GLYATL2: variants seen among roughly 807,000 people sequenced by gnomAD.
The protein encoded by GLYATL2 is glycine-N-acyltransferase like 2.
Under a neutral mutation model 21.4 loss-of-function variants are expected in GLYATL2, and 25 were observed. The ratio of observed to expected loss-of-function variants is 1.17; its 90% CI spans 0.85 to 1.63. The LOEUF (loss-of-function observed/expected upper bound fraction) is 1.63, where lower values mean the gene tolerates loss of function less well. Among genes scored for constraint, GLYATL2 ranks in the 40% most tolerant of loss-of-function variants. The pLI, the probability that GLYATL2 is intolerant of heterozygous loss-of-function variation, is 0.00. For synonymous variants in GLYATL2, 114 were observed against 118.2 expected (o/e 0.96, Z 0.23); for missense variants, 361 against 343.3 (o/e 1.05, Z -0.41).
intron 1 of GLYATL2, among the ~76,000 whole-genome samples, chr11:58,863,920 G>A (rs1009497029): frequency 1.3e-5 from 2 of 152,212 alleles, no homozygotes; most frequent in Non-Finnish European, 2.9e-5. Context: ...ACTGGCCCTG[G>A]AGAGTAGGGT....
intron 1 of GLYATL2, among the ~76,000 whole-genome samples, chr11:58,842,084 C>T (rs541971583): frequency 6.6e-6 from 1 of 152,184 alleles, no homozygotes; most frequent in South Asian, 2.1e-4. Context: ...CATTAATAGG[C>T]CAATGTGTAA....
chr11:58,862,720 T>C (rs1160963540), intron 1 of GLYATL2, among the ~76,000 whole-genome samples: 1 of 152,232 alleles, frequency 6.6e-6, no homozygotes, highest in East Asian at 1.9e-4. Flanking sequence ...TTTAGTCATC[T>C]ATCTGTGTTC....
At chr11:58,864,829 C>G (rs972047442) in intron 1 of GLYATL2, among the ~76,000 whole-genome samples, 1 of 149,058 alleles carries the variant, frequency 6.7e-6, no homozygotes, top group Non-Finnish European at 1.5e-5. Context: ...TTGCTGATGT[C>G]TAGTTGCACA....
rs759549963 is a variant in GLYATL2, at chr11:58,838,293, A to T, written c.154T>A (p.Tyr52Asn). The T allele has an allele frequency of 6.2e-7, 1 of 1,613,168 alleles. No individual in the cohort carries two copies. Among genetic ancestry groups the T allele is most frequent in the Non-Finnish European group, 8.5e-7 (1 of 1,179,246 alleles). The change falls in exon 3 of 6, where the codon TAC becomes AAC. Residue 52 changes from tyrosine to asparagine, a missense_variant. Coordinates refer to ENST00000287275, the MANE Select transcript of GLYATL2 (RefSeq NM_145016.4). Reference sequence around the variant, plus strand: ...TGAGGCCGGGTAATGACGATCTGGTAATCTGGCCAGGCATCTACCAGCACC... The same window carrying T: ...TGAGGCCGGGTAATGACGATCTGGTTATCTGGCCAGGCATCTACCAGCACC... ...MEVLVDAWPD[Y>N]QIVITRPQKQ... is the part of the protein sequence containing the mutation.
intron 1 of GLYATL2, among the ~76,000 whole-genome samples, chr11:58,881,059 T>C (rs1173258017): frequency 6.6e-6 from 1 of 152,266 alleles, no homozygotes; most frequent in African/African-American, 2.4e-5. Flanking sequence ...TAATTATTTT[T>C]ACATCATTGG....
chr11:58,880,488 G>A (rs1224787147), intron 1 of GLYATL2, among the ~76,000 whole-genome samples: 1 of 152,126 alleles, frequency 6.6e-6, no homozygotes, highest in Non-Finnish European at 1.5e-5. Flanking sequence ...AGTTTTTTGT[G>A]GGGTGTGATA....
intron 1 of GLYATL2, among the ~76,000 whole-genome samples, chr11:58,877,765 A>G (rs1854263687): frequency 6.6e-6 from 1 of 152,202 alleles, no homozygotes; most frequent in Non-Finnish European, 1.5e-5. Flanking sequence ...ATTAGATAAG[A>G]TTAGGAGGGG....
At chr11:58,877,678 A>G (rs573965264) in intron 1 of GLYATL2, among the ~76,000 whole-genome samples, 1 of 152,362 alleles carries the variant, frequency 6.6e-6, no homozygotes, top group African/African-American at 2.4e-5. Flanking sequence ...GCAATAATTG[A>G]TCATGTGATT....
intron 1 of GLYATL2, among the ~76,000 whole-genome samples, chr11:58,884,407 A>G (rs1309845678): frequency 6.6e-6 from 1 of 152,252 alleles, no homozygotes; most frequent in African/African-American, 2.4e-5. Flanking sequence ...AAGCATTCTT[A>G]TACACCAATA....
At position 58,834,800 on chromosome 11, in the gene GLYATL2, G is replaced by T. The variant is rs747413442; in HGVS notation, c.514C>A (p.His172Asn). Residue 172 changes from histidine (H) to asparagine (N), a missense_variant, in exon 6 of 6, where the codon CAT (histidine) becomes AAT (asparagine). Physicochemically the swap from His to Asn is moderately conservative, Grantham distance 68. Transcript: ENST00000287275. ...CAGTGTTCATTCACAAGACCTGCAT[G>T]TGAAGCATCTAAGAACATGTTTGAA... The part of the protein sequence containing the change: ...NFSNMFLDAS[H>N]AGLVNEHWAF... The T allele has an allele frequency of 6.2e-7, 1 of 1,609,512 alleles. No homozygotes were observed. Among genetic ancestry groups the T allele is most frequent in the Non-Finnish European group, 8.5e-7 (1 of 1,178,522 alleles).
intron 1 of GLYATL2, among the ~76,000 whole-genome samples, chr11:58,901,282 G>A (rs904441629): frequency 6.6e-5 from 10 of 152,124 alleles, no homozygotes; most frequent in African/African-American, 2.4e-4. Flanking sequence ...GATCTCTACC[G>A]ATGGAGCTCA....
chr11:58,887,772 T>G (rs1304769760), intron 1 of GLYATL2, among the ~76,000 whole-genome samples: 1 of 152,208 alleles, frequency 6.6e-6, no homozygotes, highest in African/African-American at 2.4e-5. Context: ...TCATACTTCT[T>G]TGCCACTAAA....
At chr11:58,861,747 T>C (rs1853936200) in intron 1 of GLYATL2, among the ~76,000 whole-genome samples, 1 of 152,120 alleles carries the variant, frequency 6.6e-6, no homozygotes. Flanking sequence ...GGTCTCAGCA[T>C]AAATTTTAAT....
Position 58,834,805 on chromosome 11 carries a change from G to A in GLYATL2, c.509C>T (p.Ala170Val), listed in dbSNP as rs552108196. ...EGNFSNMFLD[A>V]SHAGLVNEHW... ...TTCATTCACAAGACCTGCATGTGAA[G>A]CATCTAAGAACATGTTTGAAAAGTT... Residue 170 changes from alanine to valine, a missense_variant, in exon 6 of 6, where the codon GCT (alanine) becomes GTT (valine). Ala to Val is a moderately conservative substitution (Grantham distance 64, BLOSUM62 0). Coordinates refer to ENST00000287275, the MANE Select transcript of GLYATL2 (RefSeq NM_145016.4). The A allele has an allele frequency of 3.7e-6, 6 of 1,607,460 alleles. No individual in the cohort carries two copies. The highest frequency in any genetic ancestry group is 3.3e-5 in the South Asian group (3 of 89,564).
chr11:58,905,182 T>C (rs1272791675), upstream of GLYATL2, among the ~76,000 whole-genome samples: 1 of 152,224 alleles, frequency 6.6e-6, no homozygotes, highest in Non-Finnish European at 1.5e-5. Context: ...GAAACAGGCC[T>C]AAGCAGTGCT....
chr11:58,845,717 GA>G (rs985540110), upstream of GLYATL2, among the ~76,000 whole-genome samples: 5 of 152,086 alleles, frequency 3.3e-5, no homozygotes, highest in African/African-American at 9.7e-5. Context: ...CTGTTGCTGA[GA>G]AAAAAATAAA....
intron 1 of GLYATL2, among the ~76,000 whole-genome samples, chr11:58,877,015 C>A (rs889737500): frequency 6.6e-6 from 1 of 152,242 alleles, no homozygotes; most frequent in Non-Finnish European, 1.5e-5. Context: ...AGCCTTGCTG[C>A]TGCCTTGCAG....
intron 1 of GLYATL2, among the ~76,000 whole-genome samples, chr11:58,854,242 T>G (rs1853790098): frequency 6.6e-6 from 1 of 152,220 alleles, no homozygotes; most frequent in African/African-American, 2.4e-5. Context: ...TCTTGGCTAT[T>G]GTGAATAATT....
chr11:58,887,504 C>A (rs1169999581), intron 1 of GLYATL2, among the ~76,000 whole-genome samples: 1 of 152,190 alleles, frequency 6.6e-6, no homozygotes, highest in East Asian at 1.9e-4. Flanking sequence ...AAGTTAATAA[C>A]TTCTCTCCTC....
Sources: gnomAD v4.1 joint callset for allele counts (sites outside exome capture counted in the v4.1 genomes callset) on GRCh38, gnomAD v4.1.1 for gene constraint, MANE v1.5 for transcripts, NCBI Gene and HGNC (gene_info 2026-07-23, HGNC 2026-07-21) for gene names.